Variants in CNNM2 observed in about 807,000 individuals in gnomAD.
CNNM2 encodes cyclin and CBS domain divalent metal cation transport mediator 2.
In CNNM2, 12 loss-of-function variants were observed where a neutral mutation model predicts 66.9. The observed-to-expected ratio is 0.18, with a 90% CI of 0.11 to 0.29. The LOEUF (loss-of-function observed/expected upper bound fraction) is 0.29. CNNM2 is among the 10% of genes least tolerant of loss of function. The pLI, the probability that CNNM2 is intolerant of heterozygous loss-of-function variation, is 1.00. For synonymous variants in CNNM2, 557 were observed against 501.8 expected, an observed-to-expected ratio of 1.11 and a Z score of -1.47; for missense variants, 705 against 1,167.7, an observed-to-expected ratio of 0.60 and a Z score of 5.77.
Position 103,082,028 on chromosome 10 carries a change from A to G in CNNM2, c.*4848A>G, listed in dbSNP as rs1303580514. The G allele has an allele frequency of 6.6e-6, 1 of 152,274 alleles. No individual in the cohort carries two copies. Among genetic ancestry groups the G allele is most frequent in the African/African-American group, 2.4e-5 (1 of 41,470 alleles). 9.4% of individuals were successfully genotyped at this position (152,274 alleles called of 1,614,324 possible). ...GGAAATACCAGGTTGAACTTCAAGC[A>G]TCATGGAAACAAAGGTTCTAGCTGC... On this transcript the variant is annotated 3_prime_UTR_variant, in exon 8 of 8. Coordinates refer to ENST00000369878, the MANE Select transcript of CNNM2 (RefSeq NM_017649.5).
intron 1 of CNNM2, among the ~76,000 whole-genome samples, chr10:102,940,148 T>C (rs1330046658): frequency 6.6e-6 from 1 of 152,128 alleles, no homozygotes. Context: ...GATGTGGGGT[T>C]TTACCATGTT....
chr10:102,977,780 CTCTG>C (rs1033864991), intron 1 of CNNM2, among the ~76,000 whole-genome samples: 6 of 152,128 alleles, frequency 3.9e-5, no homozygotes, highest in African/African-American at 1.2e-4. Context: ...AAGAGCGAGA[CTCTG>C]TCTACTTTTT....
chr10:103,004,944 G>A (rs181183707), intron 1 of CNNM2, among the ~76,000 whole-genome samples: 4 of 152,150 alleles, frequency 2.6e-5, no homozygotes, highest in Admixed American at 2.6e-4. Flanking sequence ...CCAAATTCCT[G>A]AACATGGCTT....
intron 1 of CNNM2, among the ~76,000 whole-genome samples, chr10:103,034,929 G>A (rs1216748475): frequency 1.4e-5 from 2 of 145,032 alleles, no homozygotes; most frequent in African/African-American, 5.1e-5. Context: ...TTGCGCCACT[G>A]CAGTCTGCAG....
intron 1 of CNNM2, among the ~76,000 whole-genome samples, chr10:102,925,345 A>AG (rs1240411147): frequency 5.5e-5 from 8 of 146,330 alleles, no homozygotes; most frequent in Non-Finnish European, 1.1e-4. Flanking sequence ...TGGGTCACTT[A>AG]ATAAGAGTAA....
intron 4 of CNNM2, among the ~76,000 whole-genome samples, chr10:103,058,673 G>GTTTTGA (rs2065334227): frequency 6.6e-6 from 1 of 152,176 alleles, no homozygotes; most frequent in South Asian, 2.1e-4. Flanking sequence ...ATATAAAGGT[G>GTTTTGA]ACAAGTTTTT....
At chr10:102,958,939 T>C (rs1847151250) in intron 1 of CNNM2, among the ~76,000 whole-genome samples, 2 of 151,994 alleles carry the variant, frequency 1.3e-5, no homozygotes, top group Admixed American at 6.6e-5. Context: ...TGAGATCATT[T>C]TATTTTATTT....
At chr10:102,921,744 A>C (rs1257758514) in intron 1 of CNNM2, among the ~76,000 whole-genome samples, 1 of 152,208 alleles carries the variant, frequency 6.6e-6, no homozygotes, top group Non-Finnish European at 1.5e-5. Context: ...TAAATTTCCC[A>C]ATATTGATAC....
intron 4 of CNNM2, 60 bp from the exon 5 acceptor site, chr10:103,068,569 C>A: frequency 1.5e-6 from 2 of 1,329,706 alleles, no homozygotes; most frequent in Non-Finnish European, 1.1e-6. Context: ...AAATATTGTA[C>A]AGAGTGTGCC....
chr10:103,025,125 C>T (rs1422703094), intron 1 of CNNM2, among the ~76,000 whole-genome samples: 1 of 151,792 alleles, frequency 6.6e-6, no homozygotes, highest in East Asian at 1.9e-4. Flanking sequence ...AGCGTCTCGC[C>T]CTGTCACCCA....
rs890021734 is a variant in CNNM2 at position 103,079,972 on chromosome 10, T to A, written c.*2792T>A. ...TTCTTTGGGGCAGCAGGAGAATGAC[T>A]TTGGCTTGGAAGGCCTCTGCCATTC... On this transcript the variant is annotated 3_prime_UTR_variant, in exon 8 of 8. Transcript: ENST00000369878. 2 of 152,172 alleles carry A rather than the reference T, an allele frequency of 1.3e-5. No individual in the cohort carries two copies. The highest frequency in any genetic ancestry group is 4.8e-5 in the African/African-American group (2 of 41,436). The allele number at this position is 152,172 out of a possible 1,614,324, so 9.4% of individuals were successfully genotyped here.
chr10:102,919,320 G>C lies in CNNM2; in HGVS notation c.840G>C (p.Met280Ile), dbSNP rs1384137975. The change falls in exon 1 of 8, where the codon ATG becomes ATC. Residue 280 changes from methionine to isoleucine, a missense_variant. Around this residue, in one of 9 missense-constraint regions of CNNM2, gnomAD observed 49 missense variants for 183.7 expected, o/e 0.27. Coordinates refer to ENST00000369878, the MANE Select transcript of CNNM2 (RefSeq NM_017649.5). ...TCAGCGGCCTCAACCTGGGGCTCAT[G>C]GCCCTGGACCCGATGGAGCTGCGCA... ...GMFSGLNLGLMALDPMELRIV... is the reference protein window; with the variant it reads ...GMFSGLNLGLIALDPMELRIV... 1 of 1,613,772 alleles carries C rather than the reference G, an allele frequency of 6.2e-7. No individual in the cohort carries two copies. The highest frequency in any genetic ancestry group is 8.5e-7 in the Non-Finnish European group (1 of 1,180,040).
chr10:103,012,432 G>A (rs1377527208), intron 1 of CNNM2, among the ~76,000 whole-genome samples: 7 of 152,112 alleles, frequency 4.6e-5, no homozygotes, highest in Non-Finnish European at 1.5e-5. Flanking sequence ...GACCACCTGA[G>A]GTCAGGAGTT....
intron 1 of CNNM2, among the ~76,000 whole-genome samples, chr10:102,924,571 A>AT (rs965741845): frequency 6.0e-5 from 9 of 151,196 alleles, no homozygotes; most frequent in African/African-American, 9.7e-5. Context: ...TATTAAACAC[A>AT]TTTTTTTCTC....
intron 1 of CNNM2, among the ~76,000 whole-genome samples, chr10:102,981,435 G>T (rs1340067065): frequency 1.3e-5 from 2 of 151,322 alleles, no homozygotes; most frequent in African/African-American, 4.8e-5. Flanking sequence ...CAGGATCTTT[G>T]TTGGTTTACT....
chr10:103,015,672 G>A (rs2064430658), intron 1 of CNNM2, among the ~76,000 whole-genome samples: 1 of 152,002 alleles, frequency 6.6e-6, no homozygotes, highest in Non-Finnish European at 1.5e-5. Flanking sequence ...TGGCGAATGT[G>A]GTGAAACCCC....
rs142199747 is a variant in CNNM2, at chr10:103,010,736, C to T, written c.1622-38971C>T. On this transcript the variant is annotated intron_variant, in intron 1 of 7. Coordinates refer to ENST00000369878, the MANE Select transcript of CNNM2 (RefSeq NM_017649.5). ...CAAGCGATTCTCCTGCCTCAGCGTC[C>T]GGAGTAGCTGGGATTATAGGCGCCC... 7.8e-4 allele frequency among the ~76,000 whole-genome samples: 119 copies of T among 152,076 alleles called. 1 individual carries two copies. The highest frequency in any genetic ancestry group is 2.7e-3 in the African/African-American group (110 of 41,478).
intron 1 of CNNM2, among the ~76,000 whole-genome samples, chr10:103,040,599 G>A (rs1329123374): frequency 1.3e-5 from 2 of 152,210 alleles, no homozygotes; most frequent in Non-Finnish European, 2.9e-5. Flanking sequence ...CCGTTGGCTA[G>A]ACTTGGCAGG....
At chr10:103,045,708 G>A (rs2065117322) in intron 1 of CNNM2, among the ~76,000 whole-genome samples, 1 of 151,524 alleles carries the variant, frequency 6.6e-6, no homozygotes, top group South Asian at 2.1e-4. Context: ...ATATGTTTTA[G>A]ATACTTTGCA....
Sources: gnomAD v4.1 joint callset for allele counts (sites outside exome capture counted in the v4.1 genomes callset) on GRCh38, gnomAD v4.1.1 for gene constraint, gnomAD v4.1.1 regional missense constraint, MANE v1.5 for transcripts, NCBI Gene and HGNC (gene_info 2026-07-23, HGNC 2026-07-21) for gene names.